PRELID2: variants seen among roughly 807,000 people sequenced by gnomAD.
PRELID2 encodes PRELI domain containing 2.
In PRELID2, 25 loss-of-function variants were observed where a neutral mutation model predicts 28.4. The ratio of observed to expected loss-of-function variants is 0.88; its 90% CI spans 0.64 to 1.23. The LOEUF (loss-of-function observed/expected upper bound fraction) is 1.23. Among genes scored for constraint, PRELID2 ranks in the 50% most tolerant of loss-of-function variants. The pLI is 0.00. For missense variants in PRELID2, 201 were observed against 214.4 expected, an observed-to-expected ratio of 0.94 and a Z score of 0.39; for synonymous variants, 76 against 71.6, an observed-to-expected ratio of 1.06 and a Z score of -0.31.
At chr5:145,752,731 T>G (rs1757156859), downstream of PRELID2, among the ~76,000 whole-genome samples, 2 of 152,226 alleles carry the variant, frequency 1.3e-5, no homozygotes, top group African/African-American at 4.8e-5. Context: ...TTACAATAAC[T>G]ATATTTTGGG....
intron 1 of PRELID2, among the ~76,000 whole-genome samples, chr5:145,522,781 G>A (rs1752574432): frequency 6.6e-6 from 1 of 151,632 alleles, no homozygotes; most frequent in African/African-American, 2.4e-5. Flanking sequence ...GGAGGAGGAA[G>A]AGAAGGAAGA....
the PRELID2 span, among the ~76,000 whole-genome samples, chr5:145,420,354 C>G: frequency 6.6e-6 from 1 of 151,968 alleles, no homozygotes; most frequent in Non-Finnish European, 1.5e-5. Context: ...TTGATTCTTC[C>G]TACCCATGAG....
At chr5:145,443,469 C>A in the PRELID2 span, among the ~76,000 whole-genome samples, 3 of 151,976 alleles carry the variant, frequency 2.0e-5, no homozygotes, top group Non-Finnish European at 4.4e-5. Context: ...ATTGGCCAAG[C>A]CTGGGTCATA....
At chr5:145,794,371 G>A (rs1581217217) in intron 5 of PRELID2, among the ~76,000 whole-genome samples, 1 of 152,302 alleles carries the variant, frequency 6.6e-6, no homozygotes, top group East Asian at 1.9e-4. Context: ...TAAATCCAAA[G>A]GGAGTAAGAC....
At chr5:145,631,769 T>G (rs1753935962) in intron 1 of PRELID2, among the ~76,000 whole-genome samples, 1 of 152,202 alleles carries the variant, frequency 6.6e-6, no homozygotes, top group African/African-American at 2.4e-5. Context: ...CATTTAAAAT[T>G]TAAAGTCCAA....
chr5:145,540,867 C>T (rs941369590), intron 1 of PRELID2, among the ~76,000 whole-genome samples: 4 of 151,712 alleles, frequency 2.6e-5, no homozygotes, highest in Admixed American at 6.6e-5. Flanking sequence ...ATCAGGTTTT[C>T]GAAAATATCA....
chr5:145,655,247 A>AGAGG (rs754843000), intron 1 of PRELID2, among the ~76,000 whole-genome samples: 43 of 152,264 alleles, frequency 2.8e-4, no homozygotes, highest in Non-Finnish European at 5.4e-4. Flanking sequence ...ATGAAATAAA[A>AGAGG]GAGGACACAA....
chr5:145,402,532 CTG>C, the PRELID2 span, among the ~76,000 whole-genome samples: 3 of 152,194 alleles, frequency 2.0e-5, no homozygotes, highest in Non-Finnish European at 2.9e-5. Context: ...GTACCAAAAT[CTG>C]TGCTGTAGAG....
the PRELID2 span, among the ~76,000 whole-genome samples, chr5:145,269,392 G>A: frequency 1.3e-5 from 2 of 151,876 alleles, no homozygotes; most frequent in South Asian, 4.1e-4. Flanking sequence ...ATGTAATTGT[G>A]AAATAAAAGT....
chr5:145,618,657 G>A (rs1753733365), intron 1 of PRELID2, among the ~76,000 whole-genome samples: 1 of 152,200 alleles, frequency 6.6e-6, no homozygotes, highest in Admixed American at 6.5e-5. Context: ...GTGCTGGTTG[G>A]CCTCCTGCCA....
At chr5:145,591,913 C>T (rs1005898045) in intron 1 of PRELID2, among the ~76,000 whole-genome samples, 1 of 152,190 alleles carries the variant, frequency 6.6e-6, no homozygotes, top group African/African-American at 2.4e-5. Flanking sequence ...GCTGTGCTAT[C>T]GTCTAAACCT....
intron 1 of PRELID2, among the ~76,000 whole-genome samples, chr5:145,662,491 C>T (rs912756114): frequency 1.3e-5 from 2 of 151,876 alleles, no homozygotes; most frequent in Non-Finnish European, 2.9e-5. Flanking sequence ...TTTGTCTTTG[C>T]TATAGTTTGA....
intron 4 of PRELID2, among the ~76,000 whole-genome samples, chr5:145,796,928 C>T (rs1752795644): frequency 6.6e-6 from 1 of 152,066 alleles, no homozygotes; most frequent in Non-Finnish European, 1.5e-5. Flanking sequence ...AGTTATCACA[C>T]ATCACAGGAA....
At chr5:145,815,617 T>C (rs1202847281) in intron 4 of PRELID2, among the ~76,000 whole-genome samples, 1 of 152,250 alleles carries the variant, frequency 6.6e-6, no homozygotes, top group Non-Finnish European at 1.5e-5. Flanking sequence ...TCTGTCACTA[T>C]GGATTTACAC....
the PRELID2 span, among the ~76,000 whole-genome samples, chr5:145,369,318 C>G: frequency 1.3e-5 from 2 of 152,050 alleles, no homozygotes; most frequent in Non-Finnish European, 2.9e-5. Flanking sequence ...GTTTCCCTCA[C>G]TGTGTCCATG....
chr5:145,551,424 A>G (rs1435205823), intron 1 of PRELID2, among the ~76,000 whole-genome samples: 2 of 151,762 alleles, frequency 1.3e-5, no homozygotes, highest in Non-Finnish European at 2.9e-5. Context: ...AAATAAATAA[A>G]TAAATAAATA....
At chr5:145,601,535 T>TG (rs1466718952) in intron 1 of PRELID2, among the ~76,000 whole-genome samples, 12 of 152,202 alleles carry the variant, frequency 7.9e-5, no homozygotes, top group African/African-American at 2.7e-4. Context: ...ACTCTTCCAC[T>TG]GAAAACAACT....
the PRELID2 span, among the ~76,000 whole-genome samples, chr5:145,385,746 T>G: frequency 6.6e-6 from 1 of 152,192 alleles, no homozygotes; most frequent in Non-Finnish European, 1.5e-5. Context: ...TCTTTAGAAG[T>G]GGACTTATTT....
At chr5:145,823,438 T>C (rs1293610766) in intron 1 of PRELID2, among the ~76,000 whole-genome samples, 2 of 152,216 alleles carry the variant, frequency 1.3e-5, no homozygotes, top group Non-Finnish European at 2.9e-5. Context: ...CTAACATAAA[T>C]CAAGAGTGTT....
Sources: gnomAD v4.1 joint callset for allele counts (sites outside exome capture counted in the v4.1 genomes callset) on GRCh38, gnomAD v4.1.1 for gene constraint, MANE v1.5 for transcripts, NCBI Gene and HGNC (gene_info 2026-07-23, HGNC 2026-07-21) for gene names.